YAP1: variants seen among roughly 807,000 people sequenced by gnomAD.
The protein encoded by YAP1 is Yes1 associated transcriptional regulator.
A neutral mutation model predicts 56.9 loss-of-function variants in YAP1; 5 were observed. The observed-to-expected ratio is 0.09, with a 90% confidence interval of 0.05 to 0.18. YAP1 has a LOEUF of 0.18. Ranked by LOEUF, YAP1 falls within the 10% of genes least tolerant of loss-of-function variation. The pLI, the probability that YAP1 is intolerant of heterozygous loss-of-function variation, is 1.00. For missense variants in YAP1, 539 were observed against 651.8 expected (o/e 0.83, Z 1.88); for synonymous variants, 265 against 248.1 (o/e 1.07, Z -0.64).
In YAP1 at chr11:102,129,358, C is replaced by T. The variant is rs142933141; in HGVS notation, c.572+14964C>T. 5.2e-3 allele frequency among the ~76,000 whole-genome samples: 798 copies of T among 152,144 alleles called. 9 individuals are homozygous for T. Among genetic ancestry groups the T allele is most frequent in the African/African-American group, 0.018 (757 of 41,504 alleles). ...CATCTGGGCCAGGTGCAGTGGCTCT[C>T]GCCTGTAATCCCAGCACTTTGGGAG... On this transcript the variant is annotated intron_variant, in intron 2 of 8. Coordinates refer to ENST00000282441, the MANE Select transcript of YAP1 (RefSeq NM_001130145.3).
At chr11:102,141,141 T>G (rs537413652) in intron 2 of YAP1, among the ~76,000 whole-genome samples, 1 of 152,304 alleles carries the variant, frequency 6.6e-6, no homozygotes, top group East Asian at 1.9e-4. Flanking sequence ...TCTACCTAGA[T>G]TTTTCCTGTC....
At chr11:102,172,530 C>G (rs928953328) in intron 3 of YAP1, among the ~76,000 whole-genome samples, 7 of 148,292 alleles carry the variant, frequency 4.7e-5, no homozygotes, top group African/African-American at 1.7e-4. Context: ...TAGTGTATGC[C>G]TATAGTCCCA....
At position 102,186,094 on chromosome 11, in the gene YAP1, C is replaced by T. The variant is rs759760854; in HGVS notation, c.765C>T (p.Thr255=). ...ACTATATAAACCATAAGAACAAGAC[C>T]ACCTCTTGGCTAGACCCAAGGCTTG... is the stretch of plus-strand genomic sequence containing the variant. ...EIYYINHKNK[T]TSWLDPRLDP... The change falls in exon 4 of 9, where the codon ACC becomes ACT. Residue 255 remains threonine, a synonymous_variant. Coordinates refer to ENST00000282441, the MANE Select transcript of YAP1 (RefSeq NM_001130145.3). 1.9e-6 allele frequency: 3 copies of T among 1,612,840 alleles called. No homozygotes were observed. Among genetic ancestry groups the T allele is most frequent in the African/African-American group, 1.3e-5 (1 of 74,756 alleles).
At chr11:102,149,932 A>C (rs1945528204) in intron 2 of YAP1, among the ~76,000 whole-genome samples, 1 of 143,480 alleles carries the variant, frequency 7.0e-6, no homozygotes, top group African/African-American at 2.6e-5. Flanking sequence ...ATGTCTTTCC[A>C]CTGCTCTACT....
intron 4 of YAP1, among the ~76,000 whole-genome samples, chr11:102,191,395 A>G (rs1183825818): frequency 6.6e-6 from 1 of 151,544 alleles, no homozygotes; most frequent in Non-Finnish European, 1.5e-5. Flanking sequence ...AGAGTTAGGG[A>G]ATATGGTCTA....
chr11:102,186,420 T>C, intron 4 of YAP1: 1 of 321,896 alleles, frequency 3.1e-6, no homozygotes, highest in Non-Finnish European at 5.8e-6. Context: ...AACACAGTGA[T>C]TGTTTTTAAA....
chr11:102,218,071 C>T (rs1419690845), intron 6 of YAP1, among the ~76,000 whole-genome samples: 2 of 152,106 alleles, frequency 1.3e-5, no homozygotes, highest in Non-Finnish European at 2.9e-5. Flanking sequence ...TCAATTTATG[C>T]ACTTTATAAT....
chr11:102,121,176 G>A (rs970476747), intron 2 of YAP1, among the ~76,000 whole-genome samples: 3 of 152,232 alleles, frequency 2.0e-5, no homozygotes, highest in South Asian at 4.2e-4. Context: ...CGTAGCTCAC[G>A]TCTGTAATCC....
At position 102,192,681 on chromosome 11, in the gene YAP1, T is replaced by C. The variant is rs79525848; in HGVS notation, c.802+6550T>C. ...AGAATATTTCCACTCTTTAACTGAA[T>C]ACAATATGCTCAGTAACTGCTTTGG... On this transcript the variant is annotated intron_variant, in intron 4 of 8. Transcript: ENST00000282441. 2.0e-4 allele frequency among the ~76,000 whole-genome samples: 30 copies of C among 152,358 alleles called. 1 individual carries two copies. The East Asian group carries it at 5.6e-3, about 28-fold the overall frequency.
At chr11:102,209,989 T>C (rs1414175494) in intron 6 of YAP1, among the ~76,000 whole-genome samples, 1 of 152,230 alleles carries the variant, frequency 6.6e-6, no homozygotes, top group South Asian at 2.1e-4. Context: ...GTCATGATAC[T>C]ATGAGGAAGA....
intron 8 of YAP1, among the ~76,000 whole-genome samples, chr11:102,228,634 CAAAAAAAAAAAAA>C (rs71059544): frequency 3.2e-4 from 10 of 31,644 alleles, no homozygotes; most frequent in Admixed American, 1.4e-3. Context: ...GACTCCGTCT[CAAAAAAAAAAAAA>C]AAAAAAAAAA....
At chr11:102,153,836 C>G (rs1362445997) in intron 2 of YAP1, among the ~76,000 whole-genome samples, 2 of 151,162 alleles carry the variant, frequency 1.3e-5, no homozygotes, top group African/African-American at 4.9e-5. Flanking sequence ...ATATTCCTCT[C>G]CATACAGAGG....
chr11:102,169,245 G>T (rs538707180), intron 3 of YAP1, among the ~76,000 whole-genome samples: 2 of 152,208 alleles, frequency 1.3e-5, no homozygotes, highest in African/African-American at 4.8e-5. Context: ...TACAGTGCCT[G>T]GTATAAATGT....
intron 2 of YAP1, among the ~76,000 whole-genome samples, chr11:102,153,792 T>G (rs1028243371): frequency 6.6e-6 from 1 of 152,064 alleles, no homozygotes; most frequent in Non-Finnish European, 1.5e-5. Flanking sequence ...TGCTAGGCAA[T>G]TGACATCTGA....
intron 6 of YAP1, among the ~76,000 whole-genome samples, chr11:102,214,001 C>T (rs1591440386): frequency 6.6e-6 from 1 of 152,136 alleles, no homozygotes; most frequent in East Asian, 1.9e-4. Flanking sequence ...TGGCCTGAGT[C>T]TGGGAGGCAG....
rs577719389 is a variant in YAP1 at position 102,125,027 on chromosome 11, C to T, written c.572+10633C>T. 7.3e-5 allele frequency among the ~76,000 whole-genome samples: 11 copies of T among 151,574 alleles called. No individual in the cohort carries two copies. In the South Asian group the frequency reaches 8.4e-4, roughly 12 times the overall value. On this transcript the variant is annotated intron_variant, in intron 2 of 8. Transcript: ENST00000282441. ...TGCTGGGATTACAGGGATGAGCCACCGTGCCTAGCCAGATTTTTTTTTTTT... is the reference window on the plus strand; with the variant it reads ...TGCTGGGATTACAGGGATGAGCCACTGTGCCTAGCCAGATTTTTTTTTTTT...
intron 8 of YAP1, among the ~76,000 whole-genome samples, chr11:102,228,322 G>C (rs1384850322): frequency 6.6e-6 from 1 of 151,972 alleles, no homozygotes; most frequent in Non-Finnish European, 1.5e-5. Context: ...AGGAGGTGGG[G>C]CTCACTTACT....
chr11:102,143,069 T>C (rs1156566836), intron 2 of YAP1, among the ~76,000 whole-genome samples: 1 of 152,214 alleles, frequency 6.6e-6, no homozygotes, highest in Admixed American at 6.5e-5. Context: ...TCCAGGTATG[T>C]GTCACTCCAA....
intron 5 of YAP1, among the ~76,000 whole-genome samples, chr11:102,206,441 A>C (rs1949124044): frequency 1.3e-5 from 2 of 152,232 alleles, no homozygotes; most frequent in Admixed American, 6.5e-5. Flanking sequence ...CTCAGGAGAA[A>C]ACATCCTTTA....
Sources: gnomAD v4.1 joint callset for allele counts (sites outside exome capture counted in the v4.1 genomes callset) on GRCh38, gnomAD v4.1.1 for gene constraint, MANE v1.5 for transcripts, NCBI Gene and HGNC (gene_info 2026-07-23, HGNC 2026-07-21) for gene names.